The following TPRG1 variants were observed in gnomAD, a reference collection of about 807,000 sequenced individuals.
TPRG1 encodes tumor protein p63 regulated 1.
Under a neutral mutation model 29.3 loss-of-function variants are expected in TPRG1, and 29 were observed. That is an observed-to-expected ratio of 0.99 (90% confidence interval 0.74 to 1.35). The LOEUF (loss-of-function observed/expected upper bound fraction) is 1.35, where lower values mean the gene tolerates loss of function less well. Among genes scored for constraint, TPRG1 ranks in the 40% most tolerant of loss-of-function variants. The pLI is 0.00. For synonymous variants in TPRG1, 130 were observed against 116.8 expected (o/e 1.11, Z -0.73); for missense variants, 327 against 335.0 (o/e 0.98, Z 0.19).
At chr3:189,058,544 A>G (rs1458918461) in intron 4 of TPRG1, among the ~76,000 whole-genome samples, 1 of 152,244 alleles carries the variant, frequency 6.6e-6, no homozygotes, top group Non-Finnish European at 1.5e-5. Context: ...AAAACAAGTC[A>G]TTGGATCAAG....
chr3:189,137,527 G>A (rs1039017968), intron 3 of TPRG1, among the ~76,000 whole-genome samples: 4 of 152,160 alleles, frequency 2.6e-5, no homozygotes, highest in African/African-American at 9.7e-5. Flanking sequence ...AGGCCCTGCT[G>A]TGAACAGAGC....
chr3:189,297,819 C>T (rs1407614135), intron 4 of TPRG1, among the ~76,000 whole-genome samples: 2 of 152,018 alleles, frequency 1.3e-5, no homozygotes, highest in Non-Finnish European at 2.9e-5. Flanking sequence ...CAAGAACTGA[C>T]CATTTGGGAA....
At chr3:189,161,806 A>C (rs937087223) in intron 5 of TPRG1, among the ~76,000 whole-genome samples, 2 of 152,204 alleles carry the variant, frequency 1.3e-5, no homozygotes, top group African/African-American at 4.8e-5. Flanking sequence ...CAGATACTGC[A>C]CGTGCTGTGA....
intron 3 of TPRG1, among the ~76,000 whole-genome samples, chr3:189,223,778 A>G (rs1327843411): frequency 6.6e-6 from 1 of 152,208 alleles, no homozygotes; most frequent in East Asian, 1.9e-4. Flanking sequence ...CGTTATTTCA[A>G]TGATTGCATT....
chr3:189,275,384 T>C (rs1265419151), intron 4 of TPRG1, among the ~76,000 whole-genome samples: 1 of 152,096 alleles, frequency 6.6e-6, no homozygotes, highest in Non-Finnish European at 1.5e-5. Flanking sequence ...TATTATAAGG[T>C]GCAATAAGGA....
intron 1 of TPRG1, among the ~76,000 whole-genome samples, chr3:189,203,813 G>C (rs999626523): frequency 6.6e-6 from 1 of 152,038 alleles, no homozygotes; most frequent in Non-Finnish European, 1.5e-5. Context: ...AGACTGAGGC[G>C]GGTGGATCAC....
At chr3:189,114,947 C>G (rs771199443) in intron 1 of TPRG1, among the ~76,000 whole-genome samples, 19 of 152,200 alleles carry the variant, frequency 1.2e-4, no homozygotes, top group Non-Finnish European at 2.1e-4. Context: ...GAACTCTACT[C>G]CTACTGTATC....
intron 1 of TPRG1, among the ~76,000 whole-genome samples, chr3:189,106,300 T>A (rs1052881374): frequency 6.6e-6 from 1 of 152,112 alleles, no homozygotes; most frequent in Admixed American, 6.6e-5. Context: ...TCCCCCACCC[T>A]GGGAATATTG....
chr3:189,192,367 C>G (rs997381173), intron 1 of TPRG1, among the ~76,000 whole-genome samples: 1 of 152,084 alleles, frequency 6.6e-6, no homozygotes, highest in Non-Finnish European at 1.5e-5. Context: ...ATAATGAATG[C>G]TTTCTATGTG....
chr3:189,055,366 T>C (rs1366229761), intron 4 of TPRG1, among the ~76,000 whole-genome samples: 1 of 152,062 alleles, frequency 6.6e-6, no homozygotes, highest in Non-Finnish European at 1.5e-5. Context: ...ACTTGTAGAG[T>C]AATAGCGAAG....
chr3:189,156,729 A>G (rs566176978), intron 5 of TPRG1, among the ~76,000 whole-genome samples: 22 of 152,312 alleles, frequency 1.4e-4, no homozygotes, highest in Admixed American at 9.2e-4. Context: ...TGCAGCCTCT[A>G]TCTATCAGTA....
At chr3:189,120,750 G>A (rs1001091978) in intron 1 of TPRG1, among the ~76,000 whole-genome samples, 2 of 152,154 alleles carry the variant, frequency 1.3e-5, no homozygotes, top group Non-Finnish European at 2.9e-5. Flanking sequence ...AGAGGGCTCA[G>A]GAAATTTCAT....
intron 1 of TPRG1, among the ~76,000 whole-genome samples, chr3:189,122,920 A>T (rs1180759377): frequency 6.6e-6 from 1 of 152,220 alleles, no homozygotes; most frequent in East Asian, 1.9e-4. Context: ...ACAAATATTG[A>T]TTGAGCTCTT....
intron 3 of TPRG1, among the ~76,000 whole-genome samples, chr3:189,022,029 C>T (rs1713344754): frequency 6.6e-6 from 1 of 152,092 alleles, no homozygotes; most frequent in Admixed American, 6.6e-5. Context: ...CGCATTGGCT[C>T]CTGAGGCTTC....
upstream of TPRG1, among the ~76,000 whole-genome samples, chr3:189,099,723 C>T (rs1469643799): frequency 1.3e-5 from 2 of 152,082 alleles, no homozygotes; most frequent in Non-Finnish European, 2.9e-5. Flanking sequence ...ACCATGGTTG[C>T]TCAGGGGAGG....
At chr3:189,218,122 T>C (rs922054923) in intron 3 of TPRG1, 43 of 847,248 alleles carry the variant, frequency 5.1e-5, no homozygotes, top group Admixed American at 6.2e-5. Flanking sequence ...GATTCTCTCT[T>C]TTTTTTTTGA....
intron 1 of TPRG1, among the ~76,000 whole-genome samples, chr3:188,997,672 A>G (rs1170692554): frequency 6.6e-6 from 1 of 152,186 alleles, no homozygotes; most frequent in Non-Finnish European, 1.5e-5. Context: ...CTTCAGCCTC[A>G]AAGAATGGCC....
intron 5 of TPRG1, among the ~76,000 whole-genome samples, chr3:189,160,798 G>A (rs1340229498): frequency 3.3e-5 from 5 of 152,180 alleles, no homozygotes; most frequent in African/African-American, 9.6e-5. Flanking sequence ...ATCATCACAC[G>A]GAAAATACTT....
intron 1 of TPRG1, among the ~76,000 whole-genome samples, chr3:189,125,816 TGTGTGTGTGTGTG>T (rs1722399210): frequency 6.1e-5 from 1 of 16,364 alleles, no homozygotes; most frequent in South Asian, 2.7e-3. Flanking sequence ...GGGTGTTTTG[TGTGTGTGTGTGTG>T]TGTGTGTGTG....
Sources: allele counts gnomAD v4.1 joint callset (sites outside exome capture counted in the v4.1 genomes callset), GRCh38; gene constraint gnomAD v4.1.1; transcripts MANE v1.5; gene names NCBI Gene and HGNC (gene_info 2026-07-23, HGNC 2026-07-21).